The following GPR141 variants were observed in gnomAD, a reference collection of about 807,000 sequenced individuals.
GPR141 encodes G protein-coupled receptor 141, also known as probable G protein-coupled receptor 141.
GPR141 carries 6 observed loss-of-function variants against 6.8 expected under a neutral mutation model. That is an observed-to-expected ratio of 0.88 (90% CI 0.48 to 1.74). GPR141 has a LOEUF of 1.74. Ranked by LOEUF, GPR141 falls within the 40% of genes most tolerant of loss-of-function variation. The pLI is 0.01. For missense variants in GPR141, 372 were observed against 372.9 expected, an observed-to-expected ratio of 1.00 and a Z score of 0.02; for synonymous variants, 140 against 142.3, an observed-to-expected ratio of 0.98 and a Z score of 0.11.
chr7:37,701,461 A>G (rs766111676), intron 2 of GPR141, among the ~76,000 whole-genome samples: 1 of 152,152 alleles, frequency 6.6e-6, no homozygotes, highest in Non-Finnish European at 1.5e-5. Context: ...TTCACTTCCT[A>G]TGCAGACTTG....
intron 2 of GPR141, among the ~76,000 whole-genome samples, chr7:37,711,331 G>A (rs1435025476): frequency 1.3e-5 from 2 of 152,174 alleles, no homozygotes; most frequent in Admixed American, 6.5e-5. Flanking sequence ...ATCCATCTAC[G>A]TGTTGCCTAA....
intron 2 of GPR141, among the ~76,000 whole-genome samples, chr7:37,722,963 C>CTTCCTTCCTTCT (rs1379019178): frequency 1.5e-4 from 20 of 135,196 alleles, no homozygotes; most frequent in Middle Eastern, 7.5e-3. Context: ...TCCTTCCTTC[C>CTTCCTTCCTTCT]TTCCTTCCTT....
chr7:37,707,525 CAAT>C (rs143819816), intron 2 of GPR141, among the ~76,000 whole-genome samples: 4,795 of 152,250 alleles, frequency 0.031, 257 homozygotes, highest in African/African-American at 0.11. Flanking sequence ...CTCTCATCAA[CAAT>C]AAGCATTTAT....
intron 2 of GPR141, among the ~76,000 whole-genome samples, chr7:37,717,513 A>T (rs1167723331): frequency 6.6e-6 from 1 of 152,200 alleles, no homozygotes; most frequent in African/African-American, 2.4e-5. Context: ...TTTCCATATC[A>T]GTGCCTGCCT....
chr7:37,731,927 G>T (rs1384810807), intron 2 of GPR141, among the ~76,000 whole-genome samples: 1 of 152,092 alleles, frequency 6.6e-6, no homozygotes, highest in Non-Finnish European at 1.5e-5. Context: ...GGAGTAGGGT[G>T]CCCATTACAT....
In GPR141 at chr7:37,740,422, C is replaced by T. The variant is rs1251303605; in HGVS notation, c.29C>T (p.Ser10Phe). The T allele has an allele frequency of 6.2e-7, 1 of 1,604,592 alleles. No individual in the cohort carries two copies. The highest frequency in any genetic ancestry group is 8.5e-7 in the Non-Finnish European group (1 of 1,173,102). MPGHNTSRN[S>F]SCDPIVTPHL... ...CCTGGCCACAATACCTCCAGGAATT[C>T]CTCTTGCGATCCTATAGTGACACCC... Residue 10 changes from serine (S) to phenylalanine (F), a missense_variant, in exon 3 of 3, where the codon TCC (serine) becomes TTC (phenylalanine). Ser to Phe is a radical substitution (Grantham distance 155, BLOSUM62 -2). Coordinates refer to ENST00000334425, the MANE Select transcript of GPR141 (RefSeq NM_001381946.1).
chr7:37,706,540 C>G (rs998950210), intron 2 of GPR141, among the ~76,000 whole-genome samples: 1 of 151,816 alleles, frequency 6.6e-6, no homozygotes, highest in Admixed American at 6.6e-5. Context: ...CCTGACCCCC[C>G]ACCATAGTTC....
In GPR141 at chr7:37,708,329, A is replaced by C. The variant is rs867465741; in HGVS notation, c.-15+22746A>C. ...TGCTGGCAAAAAAAAAAAAAAAAAA[A>C]AAAAAACGCAAAAGCTGGCCAAAAG... is the stretch of plus-strand genomic sequence containing the variant. On this transcript the variant is annotated intron_variant, in intron 2 of 2. Coordinates refer to ENST00000334425, the MANE Select transcript of GPR141 (RefSeq NM_001381946.1). 7.6e-3 allele frequency among the ~76,000 whole-genome samples: 1,148 copies of C among 150,662 alleles called. 19 individuals are homozygous for C. Among genetic ancestry groups the C allele is most frequent in the African/African-American group, 0.026 (1,059 of 40,686 alleles).
At position 37,742,844 on chromosome 7, in the gene GPR141, C is replaced by A. The variant is rs1456883875; in HGVS notation, c.*1533C>A. The stretch of plus-strand genomic sequence containing the variant: ...ACAAACCTGCACATGTACCCCTGAA[C>A]TTAAAATAAAATTTAAAGTAATAAT... On this transcript the variant is annotated 3_prime_UTR_variant, in exon 3 of 3. Transcript: ENST00000334425. Among the ~76,000 whole-genome samples, 1 of 152,224 alleles carries A rather than the reference C, an allele frequency of 6.6e-6. No homozygotes were observed. The highest frequency in any genetic ancestry group is 2.4e-5 in the African/African-American group (1 of 41,560).
At chr7:37,735,197 G>A (rs1679902741) in intron 2 of GPR141, among the ~76,000 whole-genome samples, 1 of 152,150 alleles carries the variant, frequency 6.6e-6, no homozygotes, top group Admixed American at 6.5e-5. Flanking sequence ...GAAGACAGTG[G>A]AGCACAGCTG....
At chr7:37,722,976 T>G (rs1811420474) in intron 2 of GPR141, among the ~76,000 whole-genome samples, 3 of 146,168 alleles carry the variant, frequency 2.1e-5, no homozygotes, top group East Asian at 4.0e-4. Flanking sequence ...CCTTCCTTCC[T>G]TCCTTCTTTC....
chr7:37,726,964 G>A (rs140130347), intron 2 of GPR141, among the ~76,000 whole-genome samples: 92 of 152,294 alleles, frequency 6.0e-4, no homozygotes, highest in African/African-American at 1.7e-3. Context: ...GATTTTTCAC[G>A]TATGCAAATA....
rs560288945 is a variant in GPR141, at chr7:37,729,164, G to A, written c.-14-11216G>A. Among the ~76,000 whole-genome samples, 3 of 152,286 alleles carry A rather than the reference G, an allele frequency of 2.0e-5. No homozygotes were observed. The South Asian group carries it at 6.2e-4, about 32-fold the overall frequency. ...GCTTGCAAAGGGCTTACATGTCATG[G>A]TAGGAACTCAGAGTTTTTTCTTTTC... is the stretch of plus-strand genomic sequence containing the variant. On this transcript the variant is annotated intron_variant, in intron 2 of 2. Coordinates refer to ENST00000334425, the MANE Select transcript of GPR141 (RefSeq NM_001381946.1).
At chr7:37,698,163 A>G (rs1465655227) in intron 2 of GPR141, among the ~76,000 whole-genome samples, 3 of 152,198 alleles carry the variant, frequency 2.0e-5, no homozygotes, top group African/African-American at 7.2e-5. Context: ...CATATTCCAG[A>G]TGCATGGCCT....
intron 2 of GPR141, among the ~76,000 whole-genome samples, chr7:37,691,277 C>A: frequency 7.4e-6 from 1 of 134,360 alleles, no homozygotes; most frequent in African/African-American, 2.8e-5. Flanking sequence ...CCTAGTTACC[C>A]AGTCTATATC....
In GPR141 at chr7:37,742,586, A is replaced by T. The variant is rs1180746602; in HGVS notation, c.*1275A>T. Among the ~76,000 whole-genome samples the T allele has an allele frequency of 1.3e-5, 2 of 152,148 alleles. No homozygotes were observed. The highest frequency in any genetic ancestry group is 4.8e-5 in the African/African-American group (2 of 41,452). ...TTAAATAAATGAAAACTGTGTTTTT[A>T]AAAGAGGACTTTTGAGAAGTATATA... On this transcript the variant is annotated 3_prime_UTR_variant, in exon 3 of 3. Transcript: ENST00000334425.
intron 2 of GPR141, among the ~76,000 whole-genome samples, chr7:37,714,399 G>A (rs1810953712): frequency 6.6e-6 from 1 of 152,180 alleles, no homozygotes; most frequent in African/African-American, 2.4e-5. Context: ...AGTTCTGGAA[G>A]AGTTTGGGAA....
intron 2 of GPR141, among the ~76,000 whole-genome samples, chr7:37,704,089 A>C (rs184949455): frequency 6.6e-6 from 1 of 152,168 alleles, no homozygotes; most frequent in African/African-American, 2.4e-5. Flanking sequence ...TTTGAGACCC[A>C]CTGATAGTAT....
intron 2 of GPR141, among the ~76,000 whole-genome samples, chr7:37,726,682 C>T (rs1168015850): frequency 6.6e-6 from 1 of 152,032 alleles, no homozygotes; most frequent in African/African-American, 2.4e-5. Context: ...TGCCTTTATC[C>T]TTATAGTATG....
Sources: allele counts gnomAD v4.1 joint callset (sites outside exome capture counted in the v4.1 genomes callset), GRCh38; gene constraint gnomAD v4.1.1; transcripts MANE v1.5; gene names NCBI Gene and HGNC (gene_info 2026-07-23, HGNC 2026-07-21).